TUB: variants seen among roughly 807,000 people sequenced by gnomAD.
TUB encodes the protein TUB bipartite transcription factor.
TUB carries 33 observed loss-of-function variants against 59.7 expected under a neutral mutation model. That is an observed-to-expected ratio of 0.55 (90% CI 0.42 to 0.74). The LOEUF is 0.74. TUB is among the 30% of genes least tolerant of loss of function. The pLI, the probability that TUB is intolerant of heterozygous loss-of-function variation, is 0.00. For synonymous variants in TUB, 293 were observed against 256.4 expected, an observed-to-expected ratio of 1.14 and a Z score of -1.36; for missense variants, 659 against 672.0, an observed-to-expected ratio of 0.98 and a Z score of 0.21.
rs376343494 is a variant in TUB, at chr11:8,089,791, G to T, written c.90+130G>T. 14 of 1,294,046 alleles carry T rather than the reference G, an allele frequency of 1.1e-5. No individual in the cohort carries two copies. In the African/African-American group the frequency reaches 1.2e-4, roughly 11 times the overall value. 80.2% of individuals were successfully genotyped at this position (1,294,046 alleles called of 1,614,324 possible). A position where few individuals can be genotyped will look rare whatever the true frequency, so the allele number is the denominator to read the frequency against. On this transcript the variant is annotated intron_variant, in intron 2 of 11. Coordinates refer to ENST00000299506, the MANE Select transcript of TUB (RefSeq NM_177972.3). ...GGGATGGGATTCCCATGTGGAAGAA[G>T]AGAGGTGCACTCTCTCCCAGCTCAG...
intron 2 of TUB, among the ~76,000 whole-genome samples, chr11:8,069,917 C>G (rs1355045373): frequency 6.6e-6 from 1 of 152,102 alleles, no homozygotes; most frequent in Non-Finnish European, 1.5e-5. Context: ...CCTGACTACC[C>G]CAAACTCTCA....
chr11:8,020,115 A>G (rs780447456), intron 1 of TUB, among the ~76,000 whole-genome samples: 3 of 152,220 alleles, frequency 2.0e-5, no homozygotes. Context: ...TGCCTGTTCT[A>G]CCTTTTGTTG....
chr11:8,051,776 A>G (rs1441200564), intron 2 of TUB, among the ~76,000 whole-genome samples: 1 of 152,216 alleles, frequency 6.6e-6, no homozygotes. Flanking sequence ...CATGACTAGA[A>G]GAATACTCTC....
upstream of TUB, among the ~76,000 whole-genome samples, chr11:8,035,232 A>C (rs4483583): frequency 0.2 from 29,917 of 152,214 alleles, 3,232 homozygotes; most frequent in African/African-American, 0.26. Flanking sequence ...AATAAAGACA[A>C]GATACAACAC....
rs1944495584 is a variant in TUB, at chr11:8,105,140, C to T, written c.*3521C>T. On this transcript the variant is annotated 3_prime_UTR_variant, in exon 12 of 12. Transcript: ENST00000299506. ...GTTATGCAAGCACAAATTTCATCTC[C>T]TAGATGGACTTCCTGGTTTTCTCTT... 6.6e-6 allele frequency: 1 copy of T among 152,198 alleles called. No homozygotes were observed. Among genetic ancestry groups the T allele is most frequent in the African/African-American group, 2.4e-5 (1 of 41,438 alleles). The allele number at this position is 152,198 out of a possible 1,614,324, so 9.4% of individuals were successfully genotyped here. A position where few individuals can be genotyped will look rare whatever the true frequency, so the allele number is the denominator to read the frequency against.
intron 3 of TUB, among the ~76,000 whole-genome samples, chr11:8,092,277 A>G (rs995608590): frequency 6.6e-6 from 1 of 152,084 alleles, no homozygotes; most frequent in East Asian, 1.9e-4. Flanking sequence ...CCCCATCTTT[A>G]AAAAAAGTGA....
chr11:8,031,772 C>T (rs926919989), intron 1 of TUB, among the ~76,000 whole-genome samples: 4 of 152,222 alleles, frequency 2.6e-5, no homozygotes, highest in South Asian at 4.1e-4. Flanking sequence ...GGGAGGCTGG[C>T]GCAGGCCCAC....
chr11:8,029,959 C>T (rs771385087), intron 1 of TUB, among the ~76,000 whole-genome samples: 1 of 152,144 alleles, frequency 6.6e-6, no homozygotes, highest in Non-Finnish European at 1.5e-5. Flanking sequence ...AGTACCAAGA[C>T]AGCTGGACTG....
In TUB at chr11:8,104,771, A is replaced by C. The variant is rs993451544; in HGVS notation, c.*3152A>C. ...CATACTCTAGTGAATGTGCCTTAAA[A>C]ATCAAGACACTAGTTCAGAGGAAGC... On this transcript the variant is annotated 3_prime_UTR_variant, in exon 12 of 12. Coordinates refer to ENST00000299506, the MANE Select transcript of TUB (RefSeq NM_177972.3). 1.3e-5 allele frequency: 2 copies of C among 152,132 alleles called. No homozygotes were observed. The highest frequency in any genetic ancestry group is 2.4e-5 in the African/African-American group (1 of 41,438). 9.4% of individuals were successfully genotyped at this position (152,132 alleles called of 1,614,324 possible). A position where few individuals can be genotyped will look rare whatever the true frequency, so the allele number is the denominator to read the frequency against.
intron 11 of TUB, among the ~76,000 whole-genome samples, chr11:8,101,215 G>A (rs925249739): frequency 6.6e-6 from 1 of 152,204 alleles, no homozygotes; most frequent in Admixed American, 6.5e-5. Context: ...ATTCAACGGA[G>A]TCTCAGGCAC....
chr11:8,024,419 C>T (rs1378851293), intron 1 of TUB, among the ~76,000 whole-genome samples: 2 of 152,110 alleles, frequency 1.3e-5, no homozygotes, highest in Admixed American at 6.5e-5. Context: ...TTGCCCACAA[C>T]AGCCCTTCCA....
intron 1 of TUB, among the ~76,000 whole-genome samples, chr11:8,085,079 G>A (rs368150323): frequency 2.2e-4 from 34 of 152,104 alleles, no homozygotes; most frequent in African/African-American, 6.8e-4. Flanking sequence ...GACTCCTGAC[G>A]CCTTCCGTTC....
upstream of TUB, among the ~76,000 whole-genome samples, chr11:8,034,331 A>G (rs1426479417): frequency 6.6e-5 from 10 of 152,120 alleles, no homozygotes; most frequent in East Asian, 7.7e-4. Context: ...AAGATTGACA[A>G]TGATGGGTGG....
chr11:8,035,866 G>A (rs1191564702), upstream of TUB: 1 of 152,336 alleles, frequency 6.6e-6, no homozygotes, highest in Admixed American at 6.5e-5. Flanking sequence ...GAGGAAAACT[G>A]TGGTGATCTG....
intron 1 of TUB, chr11:8,039,545 G>A: frequency 9.5e-7 from 1 of 1,047,504 alleles, no homozygotes; most frequent in East Asian, 3.0e-5. Context: ...CCAGGGCACT[G>A]AAGGAGGCCT....
At chr11:8,093,740 G>A (rs1037749142) in intron 3 of TUB, among the ~76,000 whole-genome samples, 1 of 152,204 alleles carries the variant, frequency 6.6e-6, no homozygotes. Context: ...TTCAGGCTCA[G>A]TATGGTTTGG....
intron 1 of TUB, among the ~76,000 whole-genome samples, chr11:8,086,495 G>A (rs1453221040): frequency 1.6e-4 from 25 of 152,112 alleles, no homozygotes; most frequent in Admixed American, 1.6e-3. Flanking sequence ...CTGTTGGCTG[G>A]GGATTCTTTG....
intron 1 of TUB, among the ~76,000 whole-genome samples, chr11:8,022,944 C>T (rs1942451305): frequency 6.6e-6 from 1 of 152,130 alleles, no homozygotes; most frequent in African/African-American, 2.4e-5. Flanking sequence ...AACAAAACAA[C>T]AACAACAAAA....
chr11:8,100,214 C>T (rs563599663), intron 9 of TUB, among the ~76,000 whole-genome samples: 17 of 152,242 alleles, frequency 1.1e-4, no homozygotes, highest in South Asian at 6.2e-4. Flanking sequence ...ATGGATTAGA[C>T]GTAGGATGTA....
Sources: gnomAD v4.1 joint callset for allele counts (sites outside exome capture counted in the v4.1 genomes callset) on GRCh38, gnomAD v4.1.1 for gene constraint, MANE v1.5 for transcripts, NCBI Gene and HGNC (gene_info 2026-07-23, HGNC 2026-07-21) for gene names.